The following GOT1L1 variants were observed in gnomAD, a reference collection of about 807,000 sequenced individuals.
GOT1L1 encodes aspartate aminotransferase, cytoplasmic 2.
A neutral mutation model predicts 43.6 loss-of-function variants in GOT1L1; 38 were observed. The ratio of observed to expected loss-of-function variants is 0.87; its 90% CI spans 0.67 to 1.14. The LOEUF is 1.14. Among genes scored for constraint, GOT1L1 ranks in the 50% most tolerant of loss-of-function variants. The pLI, the probability that GOT1L1 is intolerant of heterozygous loss-of-function variation, is 0.00. For synonymous variants in GOT1L1, 183 were observed against 187.2 expected, an observed-to-expected ratio of 0.98 and a Z score of 0.18; for missense variants, 482 against 504.0, an observed-to-expected ratio of 0.96 and a Z score of 0.42.
intron 7 of GOT1L1, 32 bp downstream of exon 7, chr8:37,935,672 C>G: frequency 6.5e-7 from 1 of 1,528,982 alleles, no homozygotes; most frequent in Non-Finnish European, 8.8e-7. Flanking sequence ...AGGGCCTCTC[C>G]CATCCCTTCC....
Position 37,938,832 on chromosome 8 carries a change from C to A in GOT1L1, c.165G>T (p.Lys55Asn). 1 of 1,613,896 alleles carries A rather than the reference C, an allele frequency of 6.2e-7. No homozygotes were observed. Among genetic ancestry groups the A allele is most frequent in the South Asian group, 1.1e-5 (1 of 91,064 alleles). Residue 55 changes from lysine to asparagine, a missense_variant, in exon 2 of 9, where the codon AAG becomes AAT. Transcript: ENST00000307599. ...GHPWVSLVVQ[K>N]TRLQISQDPS... ...GATCCTGTGAAATCTGTAGTCGAGT[C>A]TTCTGCACCACGAGAGAAACCCAGG...
intron 8 of GOT1L1, 43 bp from the exon 9 acceptor site, chr8:37,934,529 C>T (rs769546064): frequency 2.5e-5 from 34 of 1,370,934 alleles, no homozygotes; most frequent in Non-Finnish European, 3.1e-5. Context: ...CTGGCCATCT[C>T]GAATTCTCCT....
At position 37,939,431 on chromosome 8, in the gene GOT1L1, AATATATATATATATATATATATATATAT is replaced by A. The variant is rs1188997870; in HGVS notation, c.115+456_115+483del. Reference sequence around the variant, plus strand: ...CCTGTCTCAAGAAAAAAAAAAAAAAAATATATATATATATATATATATATATATATATATATATATATGCAAAATGAGA... The same window carrying A: ...CCTGTCTCAAGAAAAAAAAAAAAAAAATATATATATATATGCAAAATGAGA... On this transcript the variant is annotated intron_variant, in intron 1 of 8. Coordinates refer to ENST00000307599, the MANE Select transcript of GOT1L1 (RefSeq NM_152413.3). 3.5e-3 allele frequency among the ~76,000 whole-genome samples: 147 copies of A among 41,714 alleles called. 6 individuals are homozygous for A. The highest frequency in any genetic ancestry group is 0.035 in the South Asian group (29 of 836). 27.4% of individuals were successfully genotyped at this position (41,714 alleles called of 152,430 possible).
Position 37,936,857 on chromosome 8 carries a change from A to T in GOT1L1, c.626T>A (p.Phe209Tyr), listed in dbSNP as rs1429182882. The T allele has an allele frequency of 6.2e-7, 1 of 1,610,946 alleles. No individual in the cohort carries two copies. The highest frequency in any genetic ancestry group is 1.1e-5 in the South Asian group (1 of 91,000). The change falls in exon 6 of 9, where the codon TTC (phenylalanine) becomes TAC (tyrosine). Residue 209 changes from phenylalanine to tyrosine, a missense_variant. Physicochemically the swap from Phe to Tyr is conservative, Grantham distance 22. Transcript: ENST00000307599. Reference sequence around the variant, plus strand: ...TTGACAGGGAATATCAAAAAATGGGAATATCTGCTTGCTCTGTAGGAGAAA... The same window carrying T: ...TTGACAGGGAATATCAAAAAATGGGTATATCTGCTTGCTCTGTAGGAGAAA... Reference protein sequence around the residue: ...LMSMIKSKQIFPFFDIPCQGL... With the variant: ...LMSMIKSKQIYPFFDIPCQGL...
chr8:37,939,636 G>A (rs1415767320), intron 1 of GOT1L1, among the ~76,000 whole-genome samples: 1 of 151,640 alleles, frequency 6.6e-6, no homozygotes, highest in African/African-American at 2.4e-5. Context: ...AGAATCTGAA[G>A]AAGTGTGGGA....
chr8:37,937,566 G>C (rs927081592), intron 3 of GOT1L1, 72 bp downstream of exon 3: 18 of 1,181,818 alleles, frequency 1.5e-5, no homozygotes, highest in Non-Finnish European at 3.7e-6. Context: ...TAACAGTGAA[G>C]ATGGCAAATG....
intron 1 of GOT1L1, among the ~76,000 whole-genome samples, chr8:37,939,427 AAAAAATATATATAT>A (rs1406223089): frequency 1.6e-4 from 8 of 51,012 alleles, no homozygotes; most frequent in African/African-American, 5.9e-4. Flanking sequence ...AAAAAAAAAA[AAAAAATATATATAT>A]ATATATATAT....
At chr8:37,938,507 A>G (rs983096404) in intron 2 of GOT1L1, among the ~76,000 whole-genome samples, 193 bp downstream of exon 2, 1 of 152,256 alleles carries the variant, frequency 6.6e-6, no homozygotes, top group African/African-American at 2.4e-5. Context: ...CAGTGTGAGC[A>G]GGTGGGAATA....
intron 1 of GOT1L1, among the ~76,000 whole-genome samples, chr8:37,939,691 G>T (rs947039941): frequency 2.0e-5 from 3 of 151,844 alleles, no homozygotes; most frequent in Admixed American, 1.3e-4. Flanking sequence ...AGAGGACATA[G>T]CTCTCACCAA....
intron 8 of GOT1L1, 53 bp from the exon 9 acceptor site, chr8:37,934,539 T>G: frequency 7.8e-7 from 1 of 1,282,164 alleles, no homozygotes. Context: ...CGAATTCTCC[T>G]CTAGCCCAGG....
intron 7 of GOT1L1, 54 bp from the exon 8 acceptor site, chr8:37,935,269 ACCT>A: frequency 4.0e-6 from 6 of 1,506,430 alleles, no homozygotes; most frequent in Non-Finnish European, 4.5e-6. Context: ...TTGCCCTCAA[ACCT>A]CCCTCATTGC....
At chr8:37,938,621 C>T in intron 2 of GOT1L1, 79 bp downstream of exon 2, 4 of 1,344,308 alleles carry the variant, frequency 3.0e-6, no homozygotes, top group South Asian at 1.5e-5. Flanking sequence ...TCCGAGGTCC[C>T]CTTCGGGTTT....
chr8:37,938,546 C>T (rs1448156450), intron 2 of GOT1L1, among the ~76,000 whole-genome samples, 154 bp downstream of exon 2: 1 of 152,210 alleles, frequency 6.6e-6, no homozygotes, highest in Non-Finnish European at 1.5e-5. Context: ...GATCCTGACT[C>T]GATGGCTAAG....
At chr8:37,934,806 C>CTT (rs1807700133) in intron 8 of GOT1L1, among the ~76,000 whole-genome samples, 7 of 152,074 alleles carry the variant, frequency 4.6e-5, no homozygotes, top group Non-Finnish European at 1.0e-4. Flanking sequence ...GAACTCCTGA[C>CTT]CTCAGGTGAC....
At chr8:37,935,643 A>C (rs764457429) in intron 7 of GOT1L1, 61 bp downstream of exon 7, 39 of 1,406,202 alleles carry the variant, frequency 2.8e-5, no homozygotes, top group Non-Finnish European at 3.3e-5. Context: ...CCTGCAGATC[A>C]GCAGGTCTGC....
At chr8:37,935,931 T>C in intron 6 of GOT1L1, 62 bp from the exon 7 acceptor site, 1 of 1,553,170 alleles carries the variant, frequency 6.4e-7, no homozygotes, top group Non-Finnish European at 8.7e-7. Flanking sequence ...GGCCTTCACC[T>C]AGATCTCAAC....
chr8:37,937,397 A>G lies in GOT1L1; in HGVS notation c.410-11T>C. ...CGAGTCCATGCAGTTCTGTGGGAAC[A>G]CAGCCCCCCACTAGCTGGTACATGG... On this transcript the variant is annotated splice_polypyrimidine_tract_variant and intron_variant, in intron 3 of 8. Transcript: ENST00000307599. 1 of 1,519,736 alleles carries G rather than the reference A, an allele frequency of 6.6e-7. No homozygotes were observed. The highest frequency in any genetic ancestry group is 1.9e-5 in the Admixed American group (1 of 53,700). 94.1% of individuals were successfully genotyped at this position (1,519,736 alleles called of 1,614,324 possible).
chr8:37,935,903 C>T (rs746008247), intron 6 of GOT1L1, 34 bp from the exon 7 acceptor site: 3 of 1,598,120 alleles, frequency 1.9e-6, no homozygotes, highest in Non-Finnish European at 2.6e-6. Flanking sequence ...CAGCCTCAGC[C>T]CCTTCCTCCA....
At chr8:37,934,665 G>T (rs552671395) in intron 8 of GOT1L1, among the ~76,000 whole-genome samples, 179 bp from the exon 9 acceptor site, 4 of 152,206 alleles carry the variant, frequency 2.6e-5, no homozygotes, top group African/African-American at 9.6e-5. Context: ...TCGCCTCCCA[G>T]GTTCAAGCGA....
Sources: allele counts gnomAD v4.1 joint callset (sites outside exome capture counted in the v4.1 genomes callset), GRCh38; gene constraint gnomAD v4.1.1; transcripts MANE v1.5; gene names NCBI Gene and HGNC (gene_info 2026-07-23, HGNC 2026-07-21).